The following MAP2 variants were observed in gnomAD, a reference collection of about 807,000 sequenced individuals.
MAP2 encodes microtubule associated protein 2.
In MAP2, 14 loss-of-function variants were observed where a neutral mutation model predicts 137.6. The observed-to-expected ratio is 0.10, with a 90% CI of 0.07 to 0.16. MAP2 has a LOEUF of 0.16. Ranked by LOEUF, MAP2 falls within the 10% of genes least tolerant of loss-of-function variation. The probability of loss-of-function intolerance (pLI) is 1.00; values close to 1 mark genes in which losing one functional copy is unlikely to be tolerated. For missense variants in MAP2, 2,088 were observed against 2,191.5 expected (o/e 0.95, Z 0.94); for synonymous variants, 786 against 782.3 (o/e 1.00, Z -0.08).
At chr2:209,634,371 A>C (rs1473468965) in intron 4 of MAP2, among the ~76,000 whole-genome samples, 1 of 152,164 alleles carries the variant, frequency 6.6e-6, no homozygotes, top group Non-Finnish European at 1.5e-5. Flanking sequence ...CTCACCTAAC[A>C]GTCCAGGTTC....
At chr2:209,675,034 C>T (rs1255712226) in intron 5 of MAP2, among the ~76,000 whole-genome samples, 2 of 151,788 alleles carry the variant, frequency 1.3e-5, no homozygotes, top group African/African-American at 4.8e-5. Context: ...ATCTTAGGCT[C>T]CTGTTTCCCT....
intron 4 of MAP2, among the ~76,000 whole-genome samples, chr2:209,641,421 T>G (rs973222530): frequency 2.6e-5 from 4 of 152,072 alleles, no homozygotes; most frequent in African/African-American, 9.7e-5. Flanking sequence ...AAATTTTTAT[T>G]AAAATTATGA....
chr2:209,573,457 C>G (rs1248594511), intron 2 of MAP2, among the ~76,000 whole-genome samples: 1 of 151,834 alleles, frequency 6.6e-6, no homozygotes, highest in Admixed American at 6.6e-5. Flanking sequence ...CCACACCCAG[C>G]TAATTTTTGT....
intron 2 of MAP2, among the ~76,000 whole-genome samples, chr2:209,526,843 T>C (rs1236900877): frequency 6.6e-6 from 1 of 151,974 alleles, no homozygotes; most frequent in African/African-American, 2.4e-5. Flanking sequence ...ACCTGAGATA[T>C]AAGATGTACA....
chr2:209,593,906 G>GTATA (rs1553608756), intron 3 of MAP2, among the ~76,000 whole-genome samples: 1 of 117,280 alleles, frequency 8.5e-6, no homozygotes, highest in African/African-American at 3.3e-5. Context: ...AAATATATAA[G>GTATA]TATATATTTA....
chr2:209,669,940 C>G (rs970293543), intron 5 of MAP2, among the ~76,000 whole-genome samples: 1 of 151,948 alleles, frequency 6.6e-6, no homozygotes, highest in Non-Finnish European at 1.5e-5. Context: ...TAAAATGTAT[C>G]ATGCTACATT....
Position 209,490,654 on chromosome 2 carries a change from G to A in MAP2, c.-221-16938G>A, listed in dbSNP as rs191007248. Among the ~76,000 whole-genome samples, 716 of 111,620 alleles carry A rather than the reference G, an allele frequency of 6.4e-3. 5 individuals are homozygous for A. Among genetic ancestry groups the A allele is most frequent in the Middle Eastern group, 0.062 (9 of 144 alleles). The allele number at this position is 111,620 out of a possible 152,430, so 73.2% of individuals were successfully genotyped here. On this transcript the variant is annotated intron_variant, in intron 1 of 15. Coordinates refer to ENST00000682079, the MANE Select transcript of MAP2 (RefSeq NM_001375505.1). ...AAAAAAAGCAGGGATGGCAATCCTA[G>A]TCTCTGATAAAACAGACTTTAAACC... is the stretch of plus-strand genomic sequence containing the variant.
intron 5 of MAP2, among the ~76,000 whole-genome samples, chr2:209,672,831 G>C (rs751551809): frequency 5.3e-5 from 8 of 151,852 alleles, no homozygotes; most frequent in Non-Finnish European, 8.8e-5. Context: ...TTATTCATTA[G>C]TTAGGTGAGA....
intron 12 of MAP2, among the ~76,000 whole-genome samples, chr2:209,706,311 T>C (rs1411617210): frequency 6.6e-6 from 1 of 152,130 alleles, no homozygotes; most frequent in Non-Finnish European, 1.5e-5. Flanking sequence ...ATATGTTGCA[T>C]TGTGGCAAAC....
At chr2:209,619,898 A>T (rs1236795313) in intron 3 of MAP2, among the ~76,000 whole-genome samples, 2 of 152,148 alleles carry the variant, frequency 1.3e-5, no homozygotes, top group African/African-American at 4.8e-5. Context: ...CATGTTCAGT[A>T]CAGTGGGCTG....
intron 4 of MAP2, among the ~76,000 whole-genome samples, chr2:209,626,291 T>G (rs1302147647): frequency 6.6e-6 from 1 of 152,086 alleles, no homozygotes; most frequent in Non-Finnish European, 1.5e-5. Flanking sequence ...GGTGGGCACC[T>G]GTAATCCCAG....
intron 1 of MAP2, among the ~76,000 whole-genome samples, chr2:209,464,141 CTCT>C (rs1703550321): frequency 6.6e-6 from 1 of 152,064 alleles, no homozygotes; most frequent in South Asian, 2.1e-4. Context: ...TGAGACTGTG[CTCT>C]ATGCCATCCC....
At chr2:209,513,918 T>C (rs546435198) in intron 2 of MAP2, among the ~76,000 whole-genome samples, 1 of 152,224 alleles carries the variant, frequency 6.6e-6, no homozygotes, top group Non-Finnish European at 1.5e-5. Flanking sequence ...ATAGTCACGT[T>C]TTTGTCCAAA....
intron 2 of MAP2, among the ~76,000 whole-genome samples, chr2:209,521,793 A>G (rs2063323482): frequency 6.6e-6 from 1 of 152,118 alleles, no homozygotes; most frequent in Non-Finnish European, 1.5e-5. Flanking sequence ...GTTTTAAAGG[A>G]GAAACTGTTT....
intron 2 of MAP2, among the ~76,000 whole-genome samples, chr2:209,508,441 C>G (rs187983281): frequency 6.6e-6 from 1 of 152,016 alleles, no homozygotes; most frequent in African/African-American, 2.4e-5. Flanking sequence ...CAGGAATTTT[C>G]CCTTTAAAGC....
intron 5 of MAP2, among the ~76,000 whole-genome samples, chr2:209,664,631 T>C (rs1274670644): frequency 6.6e-6 from 1 of 151,876 alleles, no homozygotes; most frequent in African/African-American, 2.4e-5. Flanking sequence ...TCTACAAAAT[T>C]TATACTACAT....
chr2:209,443,650 T>A (rs558769208), intron 1 of MAP2, among the ~76,000 whole-genome samples: 1 of 151,794 alleles, frequency 6.6e-6, no homozygotes, highest in Admixed American at 6.6e-5. Flanking sequence ...GTTTCTTCAC[T>A]TCGGCCATGG....
At chr2:209,563,445 G>T (rs1180413611) in intron 2 of MAP2, among the ~76,000 whole-genome samples, 2 of 147,756 alleles carry the variant, frequency 1.4e-5, no homozygotes, top group African/African-American at 2.7e-5. Context: ...CCTTATAAAA[G>T]ATTTTCATTG....
At chr2:209,550,604 G>T (rs2068972999) in intron 2 of MAP2, among the ~76,000 whole-genome samples, 1 of 151,976 alleles carries the variant, frequency 6.6e-6, no homozygotes, top group East Asian at 1.9e-4. Context: ...TCTAAGCCAG[G>T]GTAAGCCAGA....
Sources: allele counts gnomAD v4.1 joint callset (sites outside exome capture counted in the v4.1 genomes callset), GRCh38; gene constraint gnomAD v4.1.1; transcripts MANE v1.5; gene names NCBI Gene and HGNC (gene_info 2026-07-23, HGNC 2026-07-21).